Variants in AHNAK observed in about 807,000 individuals in gnomAD.
The protein encoded by AHNAK is neuroblast differentiation-associated protein AHNAK.
AHNAK carries 23 observed loss-of-function variants against 37.8 expected under a neutral mutation model. The ratio of observed to expected loss-of-function variants is 0.61; its 90% CI spans 0.44 to 0.86. AHNAK has a LOEUF of 0.86. AHNAK is among the 40% of genes least tolerant of loss of function. AHNAK has a pLI of 0.00. For synonymous variants in AHNAK, 2,481 were observed against 2,636.3 expected, an observed-to-expected ratio of 0.94 and a Z score of 1.80; for missense variants, 7,411 against 7,319.4, an observed-to-expected ratio of 1.01 and a Z score of -0.46.
intron 3 of AHNAK, among the ~76,000 whole-genome samples, chr11:62,535,435 G>T (rs1940912190): frequency 6.6e-6 from 1 of 152,060 alleles, no homozygotes; most frequent in African/African-American, 2.4e-5. Flanking sequence ...GATCGCCTGA[G>T]GTCAGGAGTT....
downstream of AHNAK, among the ~76,000 whole-genome samples, chr11:62,514,632 A>G (rs998748944): frequency 1.3e-5 from 2 of 152,194 alleles, no homozygotes; most frequent in South Asian, 2.1e-4. Flanking sequence ...CAATACCTGG[A>G]CGAACTCTGG....
rs767400734 is a variant in AHNAK, at chr11:62,524,923, C to A, written c.9494G>T (p.Gly3165Val). 2 of 1,613,648 alleles carry A rather than the reference C, an allele frequency of 1.2e-6. No individual in the cohort carries two copies. Among genetic ancestry groups the A allele is most frequent in the Non-Finnish European group, 1.7e-6 (2 of 1,179,956 alleles). Residue 3165 changes from glycine (G) to valine (V), a missense_variant, in exon 5 of 5, where the codon GGA becomes GTA. Gly to Val is a moderately radical substitution (Grantham distance 109). Transcript: ENST00000378024. ...MPKISMPGFK[G>V]EGPEVDVNLP... ...GTTCACGTCCACTTCTGGACCTTCT[C>A]CTTTGAAGCCAGGCATGCTGATCTT...
intron 5 of AHNAK, among the ~76,000 whole-genome samples, chr11:62,479,322 C>T (rs1939217034): frequency 6.6e-6 from 1 of 151,900 alleles, no homozygotes; most frequent in Admixed American, 6.6e-5. Context: ...CATGCACCAC[C>T]ACGTCTGGCT....
chr11:62,485,016 T>A (rs1939361438), intron 5 of AHNAK, among the ~76,000 whole-genome samples: 1 of 152,130 alleles, frequency 6.6e-6, no homozygotes, highest in African/African-American at 2.4e-5. Flanking sequence ...CTCGAACTCC[T>A]GACCTCAGGT....
At position 62,532,053 on chromosome 11, in the gene AHNAK, A is replaced by C; in HGVS notation, c.2364T>G (p.Thr788=). The part of the protein sequence containing the change: ...VDISGPKIDV[T]APDVSIEEPE... ...GTTCCTCAATGCTCACATCAGGAGC[A>C]GTAACATCTATCTTGGGCCCGGAAA... Residue 788 remains threonine (T), a synonymous_variant, in exon 5 of 5, where the codon ACT becomes ACG. Coordinates refer to ENST00000378024, the MANE Select transcript of AHNAK (RefSeq NM_001620.3). 3 of 1,611,600 alleles carry C rather than the reference A, an allele frequency of 1.9e-6. No homozygotes were observed.
chr11:62,527,703 G>A lies in AHNAK; in HGVS notation c.6714C>T (p.Asp2238=), dbSNP rs763117698. ...DAPDVDVHGP[D]WHLKMPKMKM... Reference sequence around the variant, plus strand: ...TCATCTTAGGCATCTTCAGGTGCCAGTCTGGGCCATGAACATCCACATCTG... The same window carrying A: ...TCATCTTAGGCATCTTCAGGTGCCAATCTGGGCCATGAACATCCACATCTG... Residue 2238 remains aspartate, a synonymous_variant, in exon 5 of 5, where the codon GAC becomes GAT. Coordinates refer to ENST00000378024, the MANE Select transcript of AHNAK (RefSeq NM_001620.3). The A allele has an allele frequency of 4.3e-6, 7 of 1,613,986 alleles. No individual in the cohort carries two copies. Among genetic ancestry groups the A allele is most frequent in the African/African-American group, 1.3e-5 (1 of 74,890 alleles).
In AHNAK at chr11:62,533,104, T is replaced by C; in HGVS notation, c.1313A>G (p.Lys438Arg). ...KLNVPKMKVP[K>R]FSVSGAKGEE... ...TCCCTTTGCACCTGATACAGAGAAC[T>C]TGGGGACTTTCATCTTGGGCACATT... is the stretch of plus-strand genomic sequence containing the variant. The change falls in exon 5 of 5, where the codon AAG becomes AGG. Residue 438 changes from lysine to arginine, a missense_variant. By Grantham distance (26) the Lys-to-Arg change is conservative. Transcript: ENST00000378024. 1.9e-6 allele frequency: 3 copies of C among 1,584,242 alleles called. No individual in the cohort carries two copies. Among genetic ancestry groups the C allele is most frequent in the Non-Finnish European group, 2.6e-6 (3 of 1,168,496 alleles).
intron 5 of AHNAK, among the ~76,000 whole-genome samples, chr11:62,474,918 A>T (rs768788251): frequency 1.3e-5 from 2 of 152,130 alleles, no homozygotes; most frequent in Admixed American, 6.6e-5. Context: ...CTGACCTCAG[A>T]GGCTGGTGAG....
rs1940716275 is a variant in AHNAK at position 62,530,839 on chromosome 11, G to C, written c.3578C>G (p.Pro1193Arg). Residue 1193 changes from proline (P) to arginine (R), a missense_variant, in exon 5 of 5, where the codon CCC (proline) becomes CGC (arginine). Physicochemically the swap from Pro to Arg is moderately radical, Grantham distance 103. Transcript: ENST00000378024. Reference protein sequence around the residue: ...FKMPEMHFKTPKISMPDVDLH... With the variant: ...FKMPEMHFKTRKISMPDVDLH... ...GTCCACATCAGGCATGGAGATCTTG[G>C]GGGTCTTGAAATGCATCTCAGGCAT... 1.2e-6 allele frequency: 2 copies of C among 1,613,632 alleles called. No individual in the cohort carries two copies. The highest frequency in any genetic ancestry group is 4.5e-5 in the East Asian group (2 of 44,840).
chr11:62,451,550 C>T (rs1164367087), intron 5 of AHNAK, among the ~76,000 whole-genome samples: 1 of 151,950 alleles, frequency 6.6e-6, no homozygotes, highest in Non-Finnish European at 1.5e-5. Flanking sequence ...CCAGCCTGGA[C>T]AACATGATAA....
At chr11:62,450,646 G>A (rs1027731016) in intron 5 of AHNAK, among the ~76,000 whole-genome samples, 3 of 152,152 alleles carry the variant, frequency 2.0e-5, no homozygotes, top group Non-Finnish European at 4.4e-5. Flanking sequence ...GCCATGCACC[G>A]TCAGACCTCC....
chr11:62,488,732 C>T (rs1446478550), intron 5 of AHNAK, among the ~76,000 whole-genome samples: 1 of 151,562 alleles, frequency 6.6e-6, no homozygotes, highest in Non-Finnish European at 1.5e-5. Flanking sequence ...GTTTATATTC[C>T]ATGCAGACTG....
At chr11:62,456,410 C>A (rs1270128627) in intron 5 of AHNAK, among the ~76,000 whole-genome samples, 1 of 152,206 alleles carries the variant, frequency 6.6e-6, no homozygotes, top group Admixed American at 6.5e-5. Flanking sequence ...ACGCTTATTT[C>A]ATTCAATCTA....
At chr11:62,458,401 T>C (rs1938713637) in intron 5 of AHNAK, among the ~76,000 whole-genome samples, 2 of 152,026 alleles carry the variant, frequency 1.3e-5, no homozygotes, top group Non-Finnish European at 2.9e-5. Context: ...GGCCACAGGA[T>C]ACAGTACAGA....
intron 5 of AHNAK, among the ~76,000 whole-genome samples, chr11:62,441,003 A>ATT (rs779690005): frequency 6.2e-5 from 9 of 144,550 alleles, no homozygotes; most frequent in African/African-American, 1.8e-4. Context: ...CGTCTGTATA[A>ATT]TTTTTTTTTT....
In AHNAK at chr11:62,487,445, G is replaced by C. The variant is rs117279789; in HGVS notation, c.442+4287C>G. Among the ~76,000 whole-genome samples the C allele has an allele frequency of 5.4e-3, 819 of 152,364 alleles. 20 individuals carry two copies. Among genetic ancestry groups the C allele is most frequent in the Admixed American group, 0.044 (669 of 15,304 alleles). On this transcript the variant is annotated intron_variant, in intron 5 of 5. Transcript: ENST00000257247. ...CAACACAATGAGTTTATAGGTTTCT[G>C]TTTGTAGCTTCAACTCTCCAGCACC...
In AHNAK at chr11:62,529,080, G is replaced by A; in HGVS notation, c.5337C>T (p.Pro1779=). 6.2e-7 allele frequency: 1 copy of A among 1,614,046 alleles called. No individual in the cohort carries two copies. Among genetic ancestry groups the A allele is most frequent in the African/African-American group, 1.3e-5 (1 of 74,990 alleles). The change falls in exon 5 of 5, where the codon CCC becomes CCT. Residue 1779 remains proline (P), a synonymous_variant. Coordinates refer to ENST00000378024, the MANE Select transcript of AHNAK (RefSeq NM_001620.3). ...FKMPKLNIKA[P]KVSMPDVDLN... ...AGTCCACATCTGGCATGGAGACCTTGGGAGCTTTTATATTCAACTTGGGCA... is the reference window on the plus strand; with the variant it reads ...AGTCCACATCTGGCATGGAGACCTTAGGAGCTTTTATATTCAACTTGGGCA...
In AHNAK at chr11:62,530,457, G is replaced by A. The variant is rs762285146; in HGVS notation, c.3960C>T (p.Ala1320=). Residue 1320 remains alanine, a synonymous_variant, in exon 5 of 5, where the codon GCC becomes GCT. Coordinates refer to ENST00000378024, the MANE Select transcript of AHNAK (RefSeq NM_001620.3). ...CCACATCAGGCATGGAGATCTTGGGGGCCTTGAAGTGCATCTCAGGCATCT... is the reference window on the plus strand; with the variant it reads ...CCACATCAGGCATGGAGATCTTGGGAGCCTTGAAGTGCATCTCAGGCATCT... The part of the protein sequence containing the change: ...KFKMPEMHFK[A]PKISMPDVDL... 1.8e-5 allele frequency: 29 copies of A among 1,613,642 alleles called. No homozygotes were observed. Among genetic ancestry groups the A allele is most frequent in the Non-Finnish European group, 2.0e-5 (24 of 1,179,988 alleles).
chr11:62,456,002 G>T (rs950669712), intron 5 of AHNAK, among the ~76,000 whole-genome samples: 2 of 152,110 alleles, frequency 1.3e-5, no homozygotes, highest in Non-Finnish European at 1.5e-5. Flanking sequence ...TCACGCCACT[G>T]CACTCCAGGC....
Sources: allele counts gnomAD v4.1 joint callset (sites outside exome capture counted in the v4.1 genomes callset), GRCh38; gene constraint gnomAD v4.1.1; transcripts MANE v1.5; gene names NCBI Gene and HGNC (gene_info 2026-07-23, HGNC 2026-07-21).